ANO5: variants seen among roughly 807,000 people sequenced by gnomAD.
ANO5 encodes anoctamin 5.
A neutral mutation model predicts 121.0 loss-of-function variants in ANO5; 109 were observed. The observed-to-expected ratio is 0.90, with a 90% confidence interval of 0.77 to 1.06. ANO5 has a LOEUF of 1.06. Among genes scored for constraint, ANO5 ranks in the 50% least tolerant of loss-of-function variants. ANO5 has a pLI of 0.00. For synonymous variants in ANO5, 406 were observed against 359.9 expected, an observed-to-expected ratio of 1.13 and a Z score of -1.45; for missense variants, 1,064 against 1,078.5, an observed-to-expected ratio of 0.99 and a Z score of 0.19.
rs189028814 is a variant in ANO5, at chr11:22,233,917, C to A, written c.649-2246C>A. ...CTCTTGATTTGTCTGCTTTTGCTTTCCCTGAACCACTTCCACCGCTTGGTA... is the reference window on the plus strand; with the variant it reads ...CTCTTGATTTGTCTGCTTTTGCTTTACCTGAACCACTTCCACCGCTTGGTA... On this transcript the variant is annotated intron_variant, in intron 7 of 21. Transcript: ENST00000324559. Among the ~76,000 whole-genome samples the A allele has an allele frequency of 1.3e-4, 20 of 152,240 alleles. No individual in the cohort carries two copies. The East Asian group carries it at 3.9e-3, about 29-fold the overall frequency.
chr11:22,263,157 C>A, intron 17 of ANO5, 114 bp downstream of exon 17: 2 of 807,886 alleles, frequency 2.5e-6, no homozygotes, highest in Non-Finnish European at 4.0e-6. Flanking sequence ...ATGTTTAAGC[C>A]AAAAGAAAGC....
At chr11:22,261,337 G>A (rs200693619) in intron 15 of ANO5, 1 of 152,240 alleles carries the variant, frequency 6.6e-6, no homozygotes, top group Non-Finnish European at 1.5e-5. Context: ...AGGAGAGAGA[G>A]AGTGCATGGG....
intron 15 of ANO5, 105 bp downstream of exon 15, chr11:22,259,846 T>G: frequency 8.5e-7 from 1 of 1,172,268 alleles, no homozygotes. Flanking sequence ...AAGGACACAT[T>G]TTAAGGCAGT....
At chr11:22,223,657 TC>T (rs1443519021) in intron 5 of ANO5, among the ~76,000 whole-genome samples, 1 of 152,052 alleles carries the variant, frequency 6.6e-6, no homozygotes, top group Non-Finnish European at 1.5e-5. Context: ...GGCAGGCCTT[TC>T]TAAGGATAGC....
At chr11:22,245,052 T>C (rs1251110043) in intron 9 of ANO5, among the ~76,000 whole-genome samples, 1 of 152,218 alleles carries the variant, frequency 6.6e-6, no homozygotes, top group East Asian at 1.9e-4. Flanking sequence ...TACTGGGTGC[T>C]TTCAGAGAGC....
At chr11:22,259,384 T>C (rs924894017) in intron 14 of ANO5, 135 bp from the exon 15 acceptor site, 2 of 887,056 alleles carry the variant, frequency 2.3e-6, no homozygotes, top group South Asian at 1.4e-5. Context: ...AAAGAGAGAC[T>C]GACTTAGTTT....
intron 12 of ANO5, among the ~76,000 whole-genome samples, chr11:22,253,254 A>G (rs895267282): frequency 4.0e-5 from 6 of 151,646 alleles, no homozygotes; most frequent in Admixed American, 6.6e-5. Flanking sequence ...CGTAGAAATC[A>G]TGGGAACAAT....
intron 2 of ANO5, among the ~76,000 whole-genome samples, chr11:22,207,930 C>G (rs1365644280): frequency 6.6e-6 from 1 of 151,976 alleles, no homozygotes; most frequent in Non-Finnish European, 1.5e-5. Flanking sequence ...ATGAAAAGAT[C>G]TTCAATATCA....
intron 15 of ANO5, chr11:22,261,392 T>G (rs1190677489): frequency 6.6e-6 from 1 of 152,242 alleles, no homozygotes; most frequent in African/African-American, 2.4e-5. Flanking sequence ...TGGCGAGGCA[T>G]GGTGGCTCAT....
intron 17 of ANO5, 43 bp downstream of exon 17, chr11:22,263,086 T>C (rs1287995917): frequency 2.0e-6 from 3 of 1,490,290 alleles, no homozygotes; most frequent in Admixed American, 1.7e-5. Flanking sequence ...TAAGTAACCA[T>C]GAGATATTTC....
rs7104736 is a variant in ANO5 at position 22,250,161 on chromosome 11, T to A, written c.879-76T>A. 57,898 of 1,376,006 alleles carry A rather than the reference T, an allele frequency of 0.042. 10,156 individuals are homozygous for A. In the African/African-American group the frequency reaches 0.5, roughly 12 times the overall value. The allele number at this position is 1,376,006 out of a possible 1,614,324, so 85.2% of individuals were successfully genotyped here. On this transcript the variant is annotated intron_variant, in intron 9 of 21. Transcript: ENST00000324559. ...TGGAGCCAAAATTAGAATATATGCC[T>A]GTCTGAATACAAAATCAAGGCTCCA... is the stretch of plus-strand genomic sequence containing the variant.
intron 21 of ANO5, among the ~76,000 whole-genome samples, chr11:22,278,883 CTT>C (rs71034586): frequency 6.8e-5 from 10 of 147,076 alleles, no homozygotes; most frequent in Admixed American, 2.0e-4. Flanking sequence ...ACTGTTTTTA[CTT>C]TTTTTTTTTT....
At chr11:22,270,275 T>A in intron 17 of ANO5, 37 bp from the exon 18 acceptor site, 1 of 1,612,942 alleles carries the variant, frequency 6.2e-7, no homozygotes, top group East Asian at 2.2e-5. Context: ...TTCTTTTTGG[T>A]CCTATTTCAT....
In ANO5 at chr11:22,194,458, A is replaced by C. The variant is rs148771989; in HGVS notation, c.40+926A>C. On this transcript the variant is annotated intron_variant, in intron 1 of 21. Transcript: ENST00000324559. ...TTTTTAAGCAGCTTTATTGAGATAT[A>C]ATCTATATACTGTAAAATTCACCTA... 1.3e-3 allele frequency among the ~76,000 whole-genome samples: 205 copies of C among 152,260 alleles called. 2 individuals carry two copies. Among genetic ancestry groups the C allele is most frequent in the African/African-American group, 4.7e-3 (194 of 41,548 alleles).
intron 6 of ANO5, 121 bp from the exon 7 acceptor site, chr11:22,227,180 CA>C (rs1852866790): frequency 7.3e-7 from 1 of 1,377,426 alleles, no homozygotes; most frequent in Admixed American, 2.2e-5. Context: ...CTGAAAATTT[CA>C]AAATATTGAA....
intron 14 of ANO5, 33 bp from the exon 15 acceptor site, chr11:22,259,486 C>T: frequency 6.4e-7 from 1 of 1,566,330 alleles, no homozygotes. Flanking sequence ...GATACAGAGA[C>T]CCAAATAGCA....
chr11:22,201,677 G>T (rs371652377), intron 1 of ANO5, among the ~76,000 whole-genome samples: 1 of 152,270 alleles, frequency 6.6e-6, no homozygotes, highest in African/African-American at 2.4e-5. Flanking sequence ...TCATAACATG[G>T]TGGAAGGCAT....
chr11:22,206,285 GTTTACTCTA>G (rs1424042996), intron 2 of ANO5, among the ~76,000 whole-genome samples: 3 of 151,948 alleles, frequency 2.0e-5, no homozygotes, highest in African/African-American at 7.3e-5. Flanking sequence ...GCCAGGTAGG[GTTTACTCTA>G]TTGATGGAAG....
intron 7 of ANO5, among the ~76,000 whole-genome samples, chr11:22,235,635 C>T (rs1853189352): frequency 6.6e-6 from 1 of 152,056 alleles, no homozygotes; most frequent in South Asian, 2.1e-4. Flanking sequence ...ATACCAAAGC[C>T]CAAATCATAT....
Sources: gnomAD v4.1 joint callset for allele counts (sites outside exome capture counted in the v4.1 genomes callset) on GRCh38, gnomAD v4.1.1 for gene constraint, MANE v1.5 for transcripts, NCBI Gene and HGNC (gene_info 2026-07-23, HGNC 2026-07-21) for gene names.